CSMD1: variants seen among roughly 807,000 people sequenced by gnomAD.
CSMD1 encodes the protein CUB and Sushi multiple domains 1.
Under a neutral mutation model 417.5 loss-of-function variants are expected in CSMD1, and 213 were observed. The ratio of observed to expected loss-of-function variants is 0.51; its 90% CI spans 0.46 to 0.57. The LOEUF is 0.57. Ranked by LOEUF, CSMD1 falls within the 20% of genes least tolerant of loss-of-function variation. CSMD1 has a pLI of 0.00. For synonymous variants in CSMD1, 2,862 were observed against 1,736.8 expected (o/e 1.65, Z -16.11); for missense variants, 6,923 against 4,529.7 (o/e 1.53, Z -15.17).
chr8:4,695,507 G>A (rs1294494297), intron 1 of CSMD1, among the ~76,000 whole-genome samples: 1 of 152,148 alleles, frequency 6.6e-6, no homozygotes, highest in Non-Finnish European at 1.5e-5. Flanking sequence ...CCTAAAATAA[G>A]TTAAACGATT....
At chr8:3,269,369 G>C (rs561966244) in intron 26 of CSMD1, among the ~76,000 whole-genome samples, 1 of 152,348 alleles carries the variant, frequency 6.6e-6, no homozygotes, top group South Asian at 2.1e-4. Context: ...CATAGGCAGA[G>C]AAACTTGGAC....
At chr8:3,781,162 A>T (rs960084087) in intron 5 of CSMD1, among the ~76,000 whole-genome samples, 1 of 152,198 alleles carries the variant, frequency 6.6e-6, no homozygotes, top group African/African-American at 2.4e-5. Flanking sequence ...CAAACAAGAC[A>T]AAGATTGGTG....
chr8:3,615,929 C>T (rs371323413), intron 8 of CSMD1, among the ~76,000 whole-genome samples: 1 of 152,148 alleles, frequency 6.6e-6, no homozygotes, highest in African/African-American at 2.4e-5. Flanking sequence ...AGTAATAGGA[C>T]TATTATAATC....
At chr8:4,023,115 C>A (rs1796871879) in intron 4 of CSMD1, among the ~76,000 whole-genome samples, 1 of 152,088 alleles carries the variant, frequency 6.6e-6, no homozygotes, top group Non-Finnish European at 1.5e-5. Flanking sequence ...AGTGGATGTA[C>A]AGGAGATGCA....
At chr8:3,685,791 A>C (rs1239494486) in intron 7 of CSMD1, among the ~76,000 whole-genome samples, 1 of 152,080 alleles carries the variant, frequency 6.6e-6, no homozygotes, top group Non-Finnish European at 1.5e-5. Flanking sequence ...CATTGAAGTT[A>C]TATACATTTA....
At chr8:4,588,935 A>G (rs1309834930) in intron 2 of CSMD1, among the ~76,000 whole-genome samples, 1 of 152,162 alleles carries the variant, frequency 6.6e-6, no homozygotes, top group Admixed American at 6.5e-5. Context: ...ACATACACAT[A>G]TACATTGCCT....
intron 1 of CSMD1, among the ~76,000 whole-genome samples, chr8:4,732,673 C>T (rs1329750252): frequency 6.6e-6 from 1 of 152,068 alleles, no homozygotes; most frequent in Non-Finnish European, 1.5e-5. Context: ...CACATCTGCC[C>T]CAGCTGTATC....
chr8:3,180,575 C>G (rs1357088592), intron 37 of CSMD1, among the ~76,000 whole-genome samples: 1 of 152,082 alleles, frequency 6.6e-6, no homozygotes, highest in Admixed American at 6.5e-5. Flanking sequence ...TATCTAATTA[C>G]TTGAGATTTG....
intron 2 of CSMD1, among the ~76,000 whole-genome samples, chr8:4,540,736 C>G (rs898170559): frequency 2.0e-5 from 3 of 152,106 alleles, no homozygotes; most frequent in African/African-American, 7.2e-5. Context: ...TAAGCTGTGC[C>G]AGGTACTAAG....
At chr8:4,539,250 G>C (rs1278437616) in intron 2 of CSMD1, among the ~76,000 whole-genome samples, 1 of 152,154 alleles carries the variant, frequency 6.6e-6, no homozygotes, top group Non-Finnish European at 1.5e-5. Context: ...ATTGCATTCA[G>C]CTTTCATATG....
intron 1 of CSMD1, among the ~76,000 whole-genome samples, chr8:4,919,651 G>C (rs990395680): frequency 6.6e-6 from 1 of 152,144 alleles, no homozygotes; most frequent in Non-Finnish European, 1.5e-5. Context: ...CGATACTCCA[G>C]TACATTGTAC....
At chr8:4,054,192 C>T (rs545170274) in intron 3 of CSMD1, among the ~76,000 whole-genome samples, 1 of 152,132 alleles carries the variant, frequency 6.6e-6, no homozygotes, top group African/African-American at 2.4e-5. Context: ...AACGCACGGC[C>T]ATGAGAAGAA....
chr8:4,092,658 C>G (rs1393699529), intron 3 of CSMD1, among the ~76,000 whole-genome samples: 1 of 152,134 alleles, frequency 6.6e-6, no homozygotes, highest in Non-Finnish European at 1.5e-5. Context: ...CATTTCCAAA[C>G]AGAATTCAGT....
intron 6 of CSMD1, among the ~76,000 whole-genome samples, chr8:3,733,625 GA>G (rs1796380379): frequency 6.6e-6 from 1 of 151,982 alleles, no homozygotes; most frequent in African/African-American, 2.4e-5. Flanking sequence ...CCTCGGTCCC[GA>G]ATCATTCCTC....
chr8:4,495,193 T>G (rs1322003940), intron 2 of CSMD1, among the ~76,000 whole-genome samples: 5 of 152,150 alleles, frequency 3.3e-5, no homozygotes, highest in Admixed American at 6.5e-5. Flanking sequence ...CAGAATTTCA[T>G]GAGAAATCCT....
At chr8:3,660,220 T>C (rs558913812) in intron 7 of CSMD1, among the ~76,000 whole-genome samples, 9 of 152,188 alleles carry the variant, frequency 5.9e-5, no homozygotes, top group African/African-American at 2.2e-4. Flanking sequence ...TATCTACATT[T>C]GAAGCCTCTG....
chr8:4,109,106 A>T, intron 3 of CSMD1, among the ~76,000 whole-genome samples: 1 of 152,210 alleles, frequency 6.6e-6, no homozygotes, highest in East Asian at 1.9e-4. Flanking sequence ...ATATACATTA[A>T]ATCATCTCTA....
At chr8:3,385,163 TAATA>T (rs1563333763) in intron 18 of CSMD1, among the ~76,000 whole-genome samples, 2 of 136,054 alleles carry the variant, frequency 1.5e-5, no homozygotes, top group African/African-American at 5.4e-5. Flanking sequence ...ATATAATACA[TAATA>T]TATAAATATA....
At chr8:3,938,018 C>T (rs1810623651) in intron 5 of CSMD1, among the ~76,000 whole-genome samples, 1 of 152,072 alleles carries the variant, frequency 6.6e-6, no homozygotes, top group Non-Finnish European at 1.5e-5. Context: ...AACCCAGCAT[C>T]TAACATAAAA....
Sources: allele counts gnomAD v4.1 joint callset (sites outside exome capture counted in the v4.1 genomes callset), GRCh38; gene constraint gnomAD v4.1.1; transcripts MANE v1.5; gene names NCBI Gene and HGNC (gene_info 2026-07-23, HGNC 2026-07-21).